Variants in TMLHE observed in about 807,000 individuals in gnomAD.
The protein encoded by TMLHE is trimethyllysine hydroxylase, epsilon, also known as trimethyllysine dioxygenase, mitochondrial.
In TMLHE, 18 loss-of-function variants were observed where a neutral mutation model predicts 25.7. The ratio of observed to expected loss-of-function variants is 0.70; its 90% confidence interval spans 0.48 to 1.04. The LOEUF is 1.04. Among genes scored for constraint, TMLHE ranks in the 50% least tolerant of loss-of-function variants. TMLHE has a pLI of 0.00. For missense variants in TMLHE, 236 were observed against 259.0 expected (o/e 0.91, Z 0.61); for synonymous variants, 105 against 97.0 (o/e 1.08, Z -0.49).
intron 1 of TMLHE, among the ~76,000 whole-genome samples, chrX:155,583,249 C>G (rs2067642960): frequency 9.0e-6 from 1 of 111,089 alleles, no homozygotes; most frequent in Non-Finnish European, 1.9e-5. Flanking sequence ...CGCAGCACAC[C>G]AACATGGCAC....
At chrX:155,584,950 A>T (rs1260329603) in intron 1 of TMLHE, among the ~76,000 whole-genome samples, 1 of 111,699 alleles carries the variant, frequency 9.0e-6, no homozygotes, top group African/African-American at 3.3e-5. Context: ...TATAAAACCC[A>T]CTAGTAAACC....
At chrX:155,588,170 CAGAAT>C (rs2067675532) in intron 1 of TMLHE, among the ~76,000 whole-genome samples, 3 of 111,787 alleles carry the variant, frequency 2.7e-5, no homozygotes, top group African/African-American at 9.8e-5. Context: ...ACAAATGGAA[CAGAAT>C]AGAGAGTCTA....
Position 155,555,749 on chromosome X carries a change from C to G in TMLHE, c.-1-10472G>C, listed in dbSNP as rs782236673. Among the ~76,000 whole-genome samples, 98 of 110,263 alleles carry G rather than the reference C, an allele frequency of 8.9e-4. 4 individuals carry two copies. The highest frequency in any genetic ancestry group is 3.0e-3 in the African/African-American group (89 of 30,086). On this transcript the variant is annotated intron_variant, in intron 1 of 7. Transcript: ENST00000334398. The stretch of plus-strand genomic sequence containing the variant: ...TTTTTCTTGTAAGTTTGTTTGAGTT[C>G]TTTGTAGATTCTGGATATTAGCCCT...
At chrX:155,606,810 A>AAC (rs1218942946) in intron 1 of TMLHE, among the ~76,000 whole-genome samples, 1 of 108,503 alleles carries the variant, frequency 9.2e-6, no homozygotes. Flanking sequence ...AAAAAAAAAA[A>AAC]AAAAACCCCA....
intron 2 of TMLHE, among the ~76,000 whole-genome samples, chrX:155,538,027 CATT>C (rs1557337798): frequency 9.0e-6 from 1 of 111,119 alleles, no homozygotes; most frequent in Non-Finnish European, 1.9e-5. Context: ...ACAATATCAT[CATT>C]AACTATAGTC....
chrX:155,590,418 T>C (rs1237224113), intron 1 of TMLHE, among the ~76,000 whole-genome samples: 1 of 112,195 alleles, frequency 8.9e-6, no homozygotes, highest in African/African-American at 3.2e-5. Flanking sequence ...TAAATTAATC[T>C]AAAAGACTTT....
At chrX:155,545,977 C>T (rs1557338668) in intron 1 of TMLHE, among the ~76,000 whole-genome samples, 1 of 110,090 alleles carries the variant, frequency 9.1e-6, no homozygotes, top group Admixed American at 9.8e-5. Flanking sequence ...TTTTTCATGT[C>T]TCATCCTTCT....
rs782513071 is a variant in TMLHE at position 155,605,610 on chromosome X, AC to A, written c.-2+7181del. 1.4e-4 allele frequency among the ~76,000 whole-genome samples: 16 copies of A among 112,043 alleles called. No homozygotes were observed. In the East Asian group the frequency reaches 4.5e-3, roughly 31 times the overall value. ...CCTTAAGGGAATGCTAAATATGGAA[AC>A]AAAAGACTATTACTGGCCACCACAA... is the stretch of plus-strand genomic sequence containing the variant. On this transcript the variant is annotated intron_variant, in intron 1 of 7. Coordinates refer to ENST00000334398, the MANE Select transcript of TMLHE (RefSeq NM_018196.4).
At chrX:155,583,514 G>C (rs1163180817) in intron 1 of TMLHE, among the ~76,000 whole-genome samples, 1 of 95,665 alleles carries the variant, frequency 1.0e-5, no homozygotes, top group Non-Finnish European at 2.0e-5. Flanking sequence ...TGTGGACACA[G>C]CCAAACCATA....
intron 1 of TMLHE, among the ~76,000 whole-genome samples, chrX:155,579,128 C>T (rs1053835087): frequency 2.2e-4 from 24 of 110,628 alleles, no homozygotes; most frequent in African/African-American, 7.5e-4. Context: ...GAAAAACATC[C>T]CATACTCATG....
chrX:155,602,003 A>G (rs2067758653), intron 1 of TMLHE, among the ~76,000 whole-genome samples: 1 of 111,340 alleles, frequency 9.0e-6, no homozygotes, highest in South Asian at 3.8e-4. Flanking sequence ...AACTATAAAC[A>G]TATACACATC....
intron 1 of TMLHE, among the ~76,000 whole-genome samples, chrX:155,597,971 AG>A (rs1390647499): frequency 1.8e-5 from 2 of 111,682 alleles, no homozygotes; most frequent in African/African-American, 6.5e-5. Flanking sequence ...TTTCTGTTGG[AG>A]AAAACTGTGT....
intron 1 of TMLHE, among the ~76,000 whole-genome samples, chrX:155,568,018 C>T (rs1170708585): frequency 3.3e-5 from 2 of 61,424 alleles, no homozygotes; most frequent in African/African-American, 7.2e-5. Flanking sequence ...GTGCACAAGC[C>T]GAAGCAGGGC....
rs189560980 is a variant in TMLHE, at chrX:155,539,636, C to T, written c.181+5460G>A. Among the ~76,000 whole-genome samples the T allele has an allele frequency of 9.0e-5, 10 of 110,713 alleles. No individual in the cohort carries two copies. In the East Asian group the frequency reaches 2.0e-3, roughly 22 times the overall value. On this transcript the variant is annotated intron_variant, in intron 2 of 7. Coordinates refer to ENST00000334398, the MANE Select transcript of TMLHE (RefSeq NM_018196.4). ...TCTCAACAAGATATAGTAAGACATACGAAGAAACAAAGAAATGTGGACTAT... is the reference window on the plus strand; with the variant it reads ...TCTCAACAAGATATAGTAAGACATATGAAGAAACAAAGAAATGTGGACTAT...
At chrX:155,511,304 T>G (rs1384030092) in intron 5 of TMLHE, among the ~76,000 whole-genome samples, 9 of 110,517 alleles carry the variant, frequency 8.1e-5, no homozygotes, top group African/African-American at 3.0e-4. Context: ...GTTTTTGCCA[T>G]GTGAACTGTT....
chrX:155,593,184 T>C (rs1485940951), intron 1 of TMLHE, among the ~76,000 whole-genome samples: 1 of 111,832 alleles, frequency 8.9e-6, no homozygotes, highest in African/African-American at 3.2e-5. Flanking sequence ...CAAATGGTGG[T>C]AATGCCCAGC....
At chrX:155,608,936 T>TGGTGGGAATGTCAGTTAGTTCAGCCAC (rs2067803260) in intron 1 of TMLHE, among the ~76,000 whole-genome samples, 1 of 112,298 alleles carries the variant, frequency 8.9e-6, no homozygotes, top group African/African-American at 3.2e-5. Flanking sequence ...TATACACTGT[T>TGGTGGGAATGTCAGTTAGTTCAGCCAC]GGTGGGAATG....
At chrX:155,566,504 G>T (rs781916099) in intron 1 of TMLHE, among the ~76,000 whole-genome samples, 1 of 61,937 alleles carries the variant, frequency 1.6e-5, no homozygotes, top group African/African-American at 3.6e-5. Context: ...CAGGGGGACA[G>T]AAGGTAACAA....
chrX:155,557,385 C>T (rs2067464855), intron 1 of TMLHE, among the ~76,000 whole-genome samples: 1 of 111,871 alleles, frequency 8.9e-6, no homozygotes, highest in East Asian at 2.8e-4. Context: ...GTTTGGGGCC[C>T]CTCACTTCCC....
Sources: allele counts gnomAD v4.1 joint callset (sites outside exome capture counted in the v4.1 genomes callset), GRCh38; gene constraint gnomAD v4.1.1; transcripts MANE v1.5; gene names NCBI Gene and HGNC (gene_info 2026-07-23, HGNC 2026-07-21).